Variants in SYBU observed in about 807,000 individuals in gnomAD.
The protein encoded by SYBU is GOLSYN A protein.
In SYBU, 21 loss-of-function variants were observed where a neutral mutation model predicts 35.9. That is an observed-to-expected ratio of 0.58 (90% CI 0.41 to 0.84). The LOEUF (loss-of-function observed/expected upper bound fraction) is 0.84. SYBU is among the 40% of genes least tolerant of loss of function. SYBU has a pLI of 0.00. For synonymous variants in SYBU, 319 were observed against 324.3 expected (o/e 0.98, Z 0.18); for missense variants, 768 against 848.2 (o/e 0.91, Z 1.17).
chr8:109,654,652 A>G (rs1177787157), intron 1 of SYBU, among the ~76,000 whole-genome samples: 1 of 148,820 alleles, frequency 6.7e-6, no homozygotes, highest in Non-Finnish European at 1.5e-5. Context: ...ATTATCCCAT[A>G]GTTAATTTGG....
intron 5 of SYBU, 136 bp from the exon 6 acceptor site, chr8:109,578,153 A>G: frequency 2.0e-6 from 2 of 990,806 alleles, no homozygotes; most frequent in South Asian, 1.8e-5. Flanking sequence ...CCCCAATATG[A>G]CGGTATTAGG....
chr8:109,595,898 T>A (rs976169100), intron 3 of SYBU, among the ~76,000 whole-genome samples: 11 of 152,228 alleles, frequency 7.2e-5, no homozygotes. Context: ...GTCTTTTTCA[T>A]TTTCTAAAAT....
chr8:109,669,184 T>C (rs1470678570), intron 1 of SYBU, among the ~76,000 whole-genome samples: 1 of 150,528 alleles, frequency 6.6e-6, no homozygotes, highest in Non-Finnish European at 1.5e-5. Context: ...CTACTAAAAA[T>C]ACAAAAAATT....
chr8:109,611,596 G>C lies in SYBU; in HGVS notation c.427+7246C>G, dbSNP rs116750481. Among the ~76,000 whole-genome samples, 1,270 of 152,282 alleles carry C rather than the reference G, an allele frequency of 8.3e-3. 9 individuals are homozygous for C. Among genetic ancestry groups the C allele is most frequent in the African/African-American group, 0.029 (1,206 of 41,534 alleles). On this transcript the variant is annotated intron_variant, in intron 3 of 6. Coordinates refer to ENST00000276646, the MANE Select transcript of SYBU (RefSeq NM_001099754.2). ...TCTCTCAGGGTGAAAGAAAGTTTTA[G>C]AGATCTATTTCAGTATAAATACAAA...
At chr8:109,650,212 T>G (rs566556747) in intron 1 of SYBU, among the ~76,000 whole-genome samples, 21 of 152,154 alleles carry the variant, frequency 1.4e-4, no homozygotes, top group Non-Finnish European at 2.2e-4. Context: ...GAAAAAAAAT[T>G]GTAATCTGGG....
upstream of SYBU, among the ~76,000 whole-genome samples, chr8:109,681,802 G>C (rs1817402505): frequency 6.6e-6 from 1 of 152,120 alleles, no homozygotes; most frequent in Non-Finnish European, 1.5e-5. Context: ...TTGAATTGTA[G>C]TTCCCATAAA....
At chr8:109,601,793 A>T (rs753745097) in intron 3 of SYBU, among the ~76,000 whole-genome samples, 3 of 152,188 alleles carry the variant, frequency 2.0e-5, no homozygotes, top group African/African-American at 4.8e-5. Context: ...TATGGCTAGA[A>T]TATAGTGATC....
chr8:109,690,001 T>C (rs1817610054), intron 1 of SYBU, among the ~76,000 whole-genome samples: 1 of 152,132 alleles, frequency 6.6e-6, no homozygotes, highest in East Asian at 1.9e-4. Flanking sequence ...CATTTATGAA[T>C]GCATACAATT....
chr8:109,639,162 A>G (rs1586910818), intron 2 of SYBU, among the ~76,000 whole-genome samples: 1 of 152,184 alleles, frequency 6.6e-6, no homozygotes, highest in Admixed American at 6.5e-5. Context: ...TTGAGGGTGG[A>G]GTAGAGAAAA....
chr8:109,619,637 T>C (rs1336317885), intron 2 of SYBU, among the ~76,000 whole-genome samples: 2 of 152,240 alleles, frequency 1.3e-5, no homozygotes, highest in Admixed American at 1.3e-4. Context: ...TATGTGTCCA[T>C]AGATTTTTGG....
At chr8:109,614,198 A>T (rs1291483283) in intron 3 of SYBU, among the ~76,000 whole-genome samples, 1 of 152,254 alleles carries the variant, frequency 6.6e-6, no homozygotes, top group Non-Finnish European at 1.5e-5. Context: ...GTGGACAAAA[A>T]GATTTAGTAC....
intron 2 of SYBU, among the ~76,000 whole-genome samples, chr8:109,633,925 A>G (rs1394620034): frequency 6.6e-6 from 1 of 151,824 alleles, no homozygotes; most frequent in Non-Finnish European, 1.5e-5. Context: ...GTAGAGATGG[A>G]GTTTCATGAT....
chr8:109,607,864 C>A, intron 3 of SYBU: 1 of 791,882 alleles, frequency 1.3e-6, no homozygotes, highest in South Asian at 1.5e-5. Flanking sequence ...AGTCTAGCCT[C>A]TGTGATCCAA....
chr8:109,661,387 TAGCTTCTAACTGG>T (rs1816555799), intron 1 of SYBU, among the ~76,000 whole-genome samples: 1 of 152,232 alleles, frequency 6.6e-6, no homozygotes, highest in Non-Finnish European at 1.5e-5. Flanking sequence ...TAACCTCATT[TAGCTTCTAACTGG>T]AGATACCTAG....
chr8:109,616,992 C>T (rs532103073), intron 3 of SYBU, among the ~76,000 whole-genome samples: 41 of 152,054 alleles, frequency 2.7e-4, no homozygotes, highest in African/African-American at 8.9e-4. Context: ...AAAAAGTAGC[C>T]GGGCATGGTG....
At chr8:109,628,852 A>C (rs1039086046) in intron 2 of SYBU, among the ~76,000 whole-genome samples, 1 of 152,110 alleles carries the variant, frequency 6.6e-6, no homozygotes, top group Admixed American at 6.5e-5. Context: ...TTTACTGTTA[A>C]TGAAGTATAC....
rs535484873 is a variant in SYBU, at chr8:109,612,911, C to T, written c.427+5931G>A. The stretch of plus-strand genomic sequence containing the variant: ...GGGAGAATTGCTTGAACCTGGGAGG[C>T]GGAGGTTGCAGTGAGCTGAGACTGC... On this transcript the variant is annotated intron_variant, in intron 3 of 6. Transcript: ENST00000276646. Among the ~76,000 whole-genome samples, 437 of 144,480 alleles carry T rather than the reference C, an allele frequency of 3.0e-3. 3 individuals carry two copies. Among genetic ancestry groups the T allele is most frequent in the African/African-American group, 0.01 (408 of 39,354 alleles). 94.8% of individuals were successfully genotyped at this position (144,480 alleles called of 152,430 possible).
intron 3 of SYBU, among the ~76,000 whole-genome samples, chr8:109,612,720 C>T (rs1231950170): frequency 2.2e-5 from 3 of 134,854 alleles, no homozygotes; most frequent in Non-Finnish European, 4.7e-5. Flanking sequence ...TGGCTCACGC[C>T]TGTAATCCCA....
At chr8:109,645,633 G>GTTTTTTGTTTTT (rs1554624998), upstream of SYBU, 2 of 217,766 alleles carry the variant, frequency 9.2e-6, no homozygotes, top group African/African-American at 5.4e-5. Context: ...TTCGTTTTTT[G>GTTTTTTGTTTTT]TTTTTTTTTT....
Sources: allele counts gnomAD v4.1 joint callset (sites outside exome capture counted in the v4.1 genomes callset), GRCh38; gene constraint gnomAD v4.1.1; transcripts MANE v1.5; gene names NCBI Gene and HGNC (gene_info 2026-07-23, HGNC 2026-07-21).